The following KRT26 variants were observed in gnomAD, a reference collection of about 807,000 sequenced individuals.
KRT26 encodes keratin, type I cytoskeletal 26.
A neutral mutation model predicts 46.1 loss-of-function variants in KRT26; 45 were observed. That is an observed-to-expected ratio of 0.98 (90% CI 0.77 to 1.25). The LOEUF (loss-of-function observed/expected upper bound fraction) is 1.25. KRT26 is among the 50% of genes most tolerant of loss of function. The pLI, the probability that KRT26 is intolerant of heterozygous loss-of-function variation, is 0.00. For missense variants in KRT26, 582 were observed against 560.1 expected (o/e 1.04, Z -0.39); for synonymous variants, 191 against 209.9 (o/e 0.91, Z 0.78).
intron 3 of KRT26, 29 bp downstream of exon 3, chr17:40,770,224 G>A (rs2038210673): frequency 6.2e-7 from 1 of 1,613,806 alleles, no homozygotes; most frequent in Non-Finnish European, 8.5e-7. Flanking sequence ...ATTAGAAACT[G>A]TATGAAGCCA....
rs2038211412 is a variant in KRT26 at position 40,770,274 on chromosome 17, G to T, written c.660C>A (p.Tyr220Ter). ...TTACCTCCTCATGACTTTTTTTGAGGTAGGTCAATTCCTCACTGAGGGTCT... is the reference window on the plus strand; with the variant it reads ...TTACCTCCTCATGACTTTTTTTGAGTTAGGTCAATTCCTCACTGAGGGTCT... The change falls in exon 3 of 8, where the codon TAC becomes TAA. Residue 220 changes from tyrosine (Y) to a stop codon, truncating the protein, a stop_gained. Coordinates refer to ENST00000335552, the Ensembl canonical transcript of KRT26. LOFTEE classifies it high-confidence loss of function. 1 of 1,614,030 alleles carries T rather than the reference G, an allele frequency of 6.2e-7. No individual in the cohort carries two copies. Among genetic ancestry groups the T allele is most frequent in the Non-Finnish European group, 8.5e-7 (1 of 1,180,040 alleles).
rs562486668 is a variant in KRT26 at position 40,771,661 on chromosome 17, C to T, written c.441+12G>A. On this transcript the variant is annotated intron_variant, in intron 1 of 7. Coordinates refer to ENST00000335552, the Ensembl canonical transcript of KRT26. ...AGTCTGTAGTAAAAGTATGCAAATC[C>T]CTATTTCTTACCTGCCTTTTAAGAT... The T allele has an allele frequency of 9.4e-6, 15 of 1,595,294 alleles. No individual in the cohort carries two copies. The East Asian group carries it at 2.9e-4, about 31-fold the overall frequency.
In KRT26 at chr17:40,770,127, A is replaced by G; in HGVS notation, c.682-5T>C. The G allele has an allele frequency of 1.2e-6, 2 of 1,614,122 alleles. No individual in the cohort carries two copies. The highest frequency in any genetic ancestry group is 1.7e-6 in the Non-Finnish European group (2 of 1,179,976). ...ATATTGCAAGACTTCCATTTCCTAG[A>G]AAAGGGATCGGTATTCATCCTCAGT... On this transcript the variant is annotated splice_polypyrimidine_tract_variant and splice_region_variant and intron_variant, in intron 3 of 7. Transcript: ENST00000335552.
At chr17:40,772,048 G>A (rs1417094028) in exon 1 of KRT26, 7 of 1,614,062 alleles carry the variant, frequency 4.3e-6, no homozygotes, top group South Asian at 2.2e-5. Context: ...TTCCTCCACC[G>A]GACAGCCTAC....
At chr17:40,770,091 C>A (rs1454382903) in exon 4 of KRT26, 1 of 1,614,166 alleles carries the variant, frequency 6.2e-7, no homozygotes. Context: ...GTTCACGTTC[C>A]CCCCAGCTGT....
In KRT26 at chr17:40,766,562, T is replaced by G. The variant is rs1234310849; in HGVS notation, c.1360A>C (p.Ile454Leu). 4 of 1,613,794 alleles carry G rather than the reference T, an allele frequency of 2.5e-6. No individual in the cohort carries two copies. The East Asian group carries it at 8.9e-5, about 36-fold the overall frequency. The change falls in exon 8 of 8, where the codon ATA becomes CTA. Residue 454 changes from isoleucine to leucine, a missense_variant. Ile to Leu is a conservative substitution (Grantham distance 5, BLOSUM62 2). Transcript: ENST00000335552. ...CGTTGCTCTACTGTAATGTTGCTTA[T>G]TTTAGAGGACTTTTCTTCAACTGAG...
chr17:40,772,182 G>T (rs1174958858), upstream of KRT26: 3 of 1,285,976 alleles, frequency 2.3e-6, no homozygotes, highest in African/African-American at 4.4e-5. Flanking sequence ...TTCCACACTT[G>T]TTAGCTCCCT....
Position 40,771,954 on chromosome 17 carries a change from C to A in KRT26, c.160G>T (p.Gly54Ter). The A allele has an allele frequency of 6.2e-7, 1 of 1,614,196 alleles. No individual in the cohort carries two copies. Among genetic ancestry groups the A allele is most frequent in the Non-Finnish European group, 8.5e-7 (1 of 1,180,042 alleles). Residue 54 changes from glycine to a stop codon, truncating the protein, a stop_gained, in exon 1 of 8, where the codon GGA becomes TGA. Transcript: ENST00000335552. LOFTEE classifies it high-confidence loss of function. The stretch of plus-strand genomic sequence containing the variant: ...CCTCCACCGCTATTGCAGAAGCTTC[C>A]TCCAGAAGAGATGCCCTCAAGAGTA...
exon 8 of KRT26, chr17:40,766,456 C>CTTTA: frequency 7.1e-7 from 1 of 1,402,952 alleles, no homozygotes; most frequent in Non-Finnish European, 9.6e-7. Context: ...GGCAGCCTTT[C>CTTTA]TTTCTTTCTT....
At chr17:40,769,026 T>C in exon 6 of KRT26, 5 of 1,614,084 alleles carry the variant, frequency 3.1e-6, no homozygotes, top group Non-Finnish European at 4.2e-6. Context: ...CCCTATCTGA[T>C]CCTGAATTTG....
chr17:40,772,088 G>T, exon 1 of KRT26: 3 of 1,613,942 alleles, frequency 1.9e-6, no homozygotes, highest in Non-Finnish European at 1.7e-6. Context: ...GATCCTCCTG[G>T]ATCCACCAGA....
exon 4 of KRT26, chr17:40,770,082 T>C: frequency 6.2e-7 from 1 of 1,614,184 alleles, no homozygotes; most frequent in Non-Finnish European, 8.5e-7. Flanking sequence ...CATCTCCACG[T>C]TCACGTTCCC....
rs1352515038 is a variant in KRT26 at position 40,770,326 on chromosome 17, C to T, written c.608G>A (p.Cys203Tyr). 5.6e-6 allele frequency: 9 copies of T among 1,614,030 alleles called. No individual in the cohort carries two copies. The South Asian group carries it at 7.7e-5, about 14-fold the overall frequency. ...ACACTGTATCTCCAGGTCGGTTGTA[C>T]AAAGGGTCAGTTCATCCAACACTCT... Residue 203 changes from cysteine (C) to tyrosine (Y), a missense_variant, in exon 3 of 8, where the codon TGT (cysteine) becomes TAT (tyrosine). Cys to Tyr is a radical substitution (Grantham distance 194, BLOSUM62 -2). Coordinates refer to ENST00000335552, the Ensembl canonical transcript of KRT26.
chr17:40,769,406 C>G (rs536577166), intron 5 of KRT26, among the ~76,000 whole-genome samples: 1 of 152,116 alleles, frequency 6.6e-6, no homozygotes, highest in South Asian at 2.1e-4. Flanking sequence ...ATCCACCTGC[C>G]GTGGCCTCCC....
At chr17:40,766,649 T>C (rs565014635) in exon 8 of KRT26, 5 of 1,611,800 alleles carry the variant, frequency 3.1e-6, no homozygotes, top group Admixed American at 3.3e-5. Context: ...GTTTTAACAA[T>C]AGTTTCTTCT....
chr17:40,771,132 T>A lies in KRT26; in HGVS notation c.524+22A>T, dbSNP rs774884458. ...ATATTTTAACTTTTATTAATATAAT[T>A]AATCAGTTTGTTTTCACCTACTTCA... On this transcript the variant is annotated intron_variant, in intron 2 of 7. Transcript: ENST00000335552. 2.4e-5 allele frequency: 34 copies of A among 1,410,634 alleles called. No homozygotes were observed. In the South Asian group the frequency reaches 4.3e-4, roughly 18 times the overall value. 87.4% of individuals were successfully genotyped at this position (1,410,634 alleles called of 1,614,324 possible).
At chr17:40,770,438 T>G in intron 2 of KRT26, 29 bp from the exon 3 acceptor site, 7 of 1,553,962 alleles carry the variant, frequency 4.5e-6, no homozygotes, top group Non-Finnish European at 6.1e-6. Context: ...ACCTGAGAGT[T>G]GTCATCGTAG....
exon 1 of KRT26, chr17:40,771,820 C>G: frequency 1.2e-6 from 2 of 1,614,142 alleles, no homozygotes; most frequent in Non-Finnish European, 1.7e-6. Flanking sequence ...GCACATGGTC[C>G]AGGTAGGATG....
intron 7 of KRT26, among the ~76,000 whole-genome samples, chr17:40,766,941 T>G (rs2038177182): frequency 6.6e-6 from 1 of 152,190 alleles, no homozygotes; most frequent in Non-Finnish European, 1.5e-5. Flanking sequence ...AGTTTCACCA[T>G]GTTGACCAGG....
Sources: allele counts gnomAD v4.1 joint callset (sites outside exome capture counted in the v4.1 genomes callset), GRCh38; gene constraint gnomAD v4.1.1; transcripts MANE v1.5; gene names NCBI Gene and HGNC (gene_info 2026-07-23, HGNC 2026-07-21).